POLE: variants seen among roughly 807,000 people sequenced by gnomAD.
The protein encoded by POLE is DNA polymerase epsilon, catalytic subunit, also known as DNA polymerase epsilon catalytic subunit A.
A neutral mutation model predicts 279.2 loss-of-function variants in POLE; 188 were observed. The observed-to-expected ratio is 0.67, with a 90% CI of 0.60 to 0.76. POLE has a LOEUF of 0.76. Among genes scored for constraint, POLE ranks in the 30% least tolerant of loss-of-function variants. The pLI is 0.00. For synonymous variants in POLE, 1,214 were observed against 1,172.5 expected, an observed-to-expected ratio of 1.04 and a Z score of -0.72; for missense variants, 2,703 against 3,016.7, an observed-to-expected ratio of 0.90 and a Z score of 2.44.
At chr12:132,652,841 G>C (rs996486216) in intron 29 of POLE, among the ~76,000 whole-genome samples, 3 of 152,250 alleles carry the variant, frequency 2.0e-5, no homozygotes, top group Admixed American at 6.5e-5. Context: ...TACATAGTAA[G>C]ATCAACGTGC....
intron 19 of POLE, 99 bp from the exon 20 acceptor site, chr12:132,667,747 C>T (rs2042829965): frequency 2.4e-6 from 3 of 1,260,378 alleles, no homozygotes; most frequent in Non-Finnish European, 3.4e-6. Flanking sequence ...TCTACGTCAC[C>T]ACAAAGGAGC....
At chr12:132,665,197 T>A in intron 21 of POLE, 105 bp downstream of exon 21, 4 of 1,187,094 alleles carry the variant, frequency 3.4e-6, no homozygotes, top group Admixed American at 2.0e-5. Flanking sequence ...ATTCCTTGAA[T>A]CAGATGAACG....
At chr12:132,671,583 T>G (rs191350593) in intron 16 of POLE, among the ~76,000 whole-genome samples, 1 of 145,288 alleles carries the variant, frequency 6.9e-6, no homozygotes, top group Non-Finnish European at 1.5e-5. Flanking sequence ...GCAGGAGAAT[T>G]GCTTGAACCC....
chr12:132,657,544 C>T (rs997020394), intron 27 of POLE, 115 bp from the exon 28 acceptor site: 16 of 891,538 alleles, frequency 1.8e-5, no homozygotes, highest in Non-Finnish European at 2.7e-5. Flanking sequence ...CTCTCAGAAA[C>T]TCTATGATGA....
intron 26 of POLE, chr12:132,658,229 TATAC>T (rs2042591650): frequency 1.2e-5 from 5 of 425,144 alleles, no homozygotes; most frequent in Non-Finnish European, 2.2e-5. Flanking sequence ...TGGGCATGCA[TATAC>T]ATAAACACAT....
At position 132,625,693 on chromosome 12, in the gene POLE, C is replaced by T. The variant is rs1566308462; in HGVS notation, c.6609G>A (p.Leu2203=). 4.3e-6 allele frequency: 7 copies of T among 1,613,790 alleles called. No homozygotes were observed. Among genetic ancestry groups the T allele is most frequent in the Middle Eastern group, 1.6e-4 (1 of 6,062 alleles). Residue 2203 remains leucine, a synonymous_variant, in exon 47 of 49, where the codon CTG becomes CTA. Coordinates refer to ENST00000320574, the MANE Select transcript of POLE (RefSeq NM_006231.4). ...TCAGCTTCTTCTGTAGAACTTCCAC[C>T]AGCGTCATCTCGATGGCAGAGGAGT... ...PYDSSAIEMT[L]VEVLQKKLMA...
rs1433807317 is a variant in POLE at position 132,623,896 on chromosome 12, C to T, written c.*801G>A. The T allele has an allele frequency of 1.0e-5, 2 of 191,758 alleles. No individual in the cohort carries two copies. The highest frequency in any genetic ancestry group is 2.2e-5 in the Non-Finnish European group (2 of 91,836). 11.9% of individuals were successfully genotyped at this position (191,758 alleles called of 1,614,324 possible). A position where few individuals can be genotyped will look rare whatever the true frequency, so the allele number is the denominator to read the frequency against. ...CTGGGGAGCCTGTGGGGCCCCCTCC[C>T]TCCTGTGAGGCTCTCGTCTGGGGTG... is the stretch of plus-strand genomic sequence containing the variant. On this transcript the variant is annotated 3_prime_UTR_variant, in exon 49 of 49. Coordinates refer to ENST00000320574, the MANE Select transcript of POLE (RefSeq NM_006231.4).
In POLE at chr12:132,678,401, A is replaced by C. The variant is rs1216147436; in HGVS notation, c.579-682T>G. On this transcript the variant is annotated intron_variant, in intron 6 of 48. Transcript: ENST00000320574. ...GGGCAACATAGGGAGACTCATCTCT[A>C]CAAAAGTAATAATAATAATAATAAT... is the stretch of plus-strand genomic sequence containing the variant. Among the ~76,000 whole-genome samples the C allele has an allele frequency of 3.3e-5, 5 of 151,456 alleles. No homozygotes were observed. In the East Asian group the frequency reaches 9.7e-4, roughly 29 times the overall value.
chr12:132,650,245 C>T lies in POLE; in HGVS notation c.3583-356G>A, dbSNP rs5744897. 26,389 of 268,702 alleles carry T rather than the reference C, an allele frequency of 0.098. 1,549 individuals are homozygous for T. Among genetic ancestry groups the T allele is most frequent in the South Asian group, 0.12 (2,310 of 18,562 alleles). The allele number at this position is 268,702 out of a possible 1,614,324, so 16.6% of individuals were successfully genotyped here. On this transcript the variant is annotated intron_variant, in intron 29 of 48. Transcript: ENST00000320574. The stretch of plus-strand genomic sequence containing the variant: ...CAAAAATCTCAGGATCTCATCCCCA[C>T]AAATTCTACTTCTCGAAATCTAGTA...
rs1060500803 is a variant in POLE at position 132,639,275 on chromosome 12, C to G, written c.5402G>C (p.Gly1801Ala). The G allele has an allele frequency of 6.2e-7, 1 of 1,614,010 alleles. No homozygotes were observed. The highest frequency in any genetic ancestry group is 8.5e-7 in the Non-Finnish European group (1 of 1,179,932). The stretch of plus-strand genomic sequence containing the variant: ...GTACTGGGTGATCTCCTTCACCCAG[C>G]CCACGACCATGCTCTTCAGGATCCT... ...TFRILKSMVV[G>A]WVKEITQYHN... Residue 1801 changes from glycine (G) to alanine (A), a missense_variant, in exon 40 of 49, where the codon GGC (glycine) becomes GCC (alanine). Gly to Ala is a moderately conservative substitution (Grantham distance 60). This residue lies in a region of POLE where 1,551 missense variants were observed against 1,686.1 expected (regional missense o/e 0.92). Coordinates refer to ENST00000320574, the MANE Select transcript of POLE (RefSeq NM_006231.4). The surrounding 1 kb of genome is among the most constrained non-coding windows in gnomAD (Gnocchi z 4.7).
intron 23 of POLE, among the ~76,000 whole-genome samples, chr12:132,662,745 A>G (rs1465835354): frequency 6.6e-6 from 1 of 152,140 alleles, no homozygotes; most frequent in Non-Finnish European, 1.5e-5. Flanking sequence ...AGAAACAAAG[A>G]CCAGAAGAGG....
rs752853322 is a variant in POLE at position 132,642,482 on chromosome 12, C to A, written c.4952+24G>T. ...CCGGCTCTGCCTGGGGACCACTGGC[C>A]CACAACGACAGTACTGTGCTCACCT... On this transcript the variant is annotated intron_variant, in intron 37 of 48. Transcript: ENST00000320574. 7 of 1,606,168 alleles carry A rather than the reference C, an allele frequency of 4.4e-6. No homozygotes were observed. In the Admixed American group the frequency reaches 5.0e-5, roughly 11 times the overall value.
At position 132,642,817 on chromosome 12, in the gene POLE, C is replaced by T. The variant is rs2138538380; in HGVS notation, c.4728+3G>A. ...CACACAGCAAGACCCCAACCACTCTCACCTTGTAGGCGAGCAGGAATCGCT... is the reference window on the plus strand; with the variant it reads ...CACACAGCAAGACCCCAACCACTCTTACCTTGTAGGCGAGCAGGAATCGCT... On this transcript the variant is annotated splice_donor_region_variant and intron_variant, in intron 36 of 48. Coordinates refer to ENST00000320574, the MANE Select transcript of POLE (RefSeq NM_006231.4). 1 of 1,614,006 alleles carries T rather than the reference C, an allele frequency of 6.2e-7. No individual in the cohort carries two copies. The highest frequency in any genetic ancestry group is 8.5e-7 in the Non-Finnish European group (1 of 1,179,960).
intron 2 of POLE, 92 bp from the exon 3 acceptor site, chr12:132,680,779 G>A: frequency 1.0e-6 from 1 of 976,002 alleles, no homozygotes; most frequent in Admixed American, 1.8e-5. Context: ...CAGCACTTTA[G>A]AAACAAACCC....
chr12:132,666,102 A>G (rs759099525), intron 20 of POLE, among the ~76,000 whole-genome samples: 3 of 152,372 alleles, frequency 2.0e-5, no homozygotes, highest in Middle Eastern at 6.8e-3. Context: ...CCAAAAGCAG[A>G]GACCTGAAGA....
chr12:132,677,368 G>A lies in POLE; in HGVS notation c.796C>T (p.Arg266Ter), dbSNP rs767666219. Residue 266 changes from arginine (R) to a stop codon, truncating the protein, a stop_gained, in exon 8 of 49, where the codon CGA becomes TGA. Transcript: ENST00000320574. LOFTEE classifies it high-confidence loss of function. ...EITRRDDLVE[R>*]PDPVVLAFDI... ...GTAACACAAGCAAAACTTACAGGTCGTTCAACAAGGTCATCTCGGCGGGTG... is the reference window on the plus strand; with the variant it reads ...GTAACACAAGCAAAACTTACAGGTCATTCAACAAGGTCATCTCGGCGGGTG... The A allele has an allele frequency of 4.3e-6, 7 of 1,613,204 alleles. No homozygotes were observed. The highest frequency in any genetic ancestry group is 5.1e-6 in the Non-Finnish European group (6 of 1,179,176).
intron 7 of POLE, 61 bp from the exon 8 acceptor site, chr12:132,677,504 G>A (rs2136019234): frequency 6.2e-7 from 1 of 1,608,122 alleles, no homozygotes; most frequent in Non-Finnish European, 8.5e-7. Context: ...TTCTTCTGTG[G>A]ATTCACCCAT....
rs2042289619 is a variant in POLE, at chr12:132,646,603, G to A, written c.4149+2326C>T. ...TCCCAGCACTTTGGGAGGCCGAGGT[G>A]GATGGATTACCTGAGGTCAGGAGTT... On this transcript the variant is annotated intron_variant, in intron 32 of 48. Transcript: ENST00000320574. 3.3e-5 allele frequency among the ~76,000 whole-genome samples: 5 copies of A among 151,500 alleles called. No individual in the cohort carries two copies. The South Asian group carries it at 1.0e-3, about 32-fold the overall frequency.
rs2138688434 is a variant in POLE, at chr12:132,660,970, T to C, written c.3059A>G (p.Lys1020Arg). ...TGAGGGTGGAGGGTAGGCCTTTACC[T>C]TGCTGTACAGCACGTCCAGCCAGTA... ...ADYWLDVLYS[K>R]AANMPDSELF... Residue 1020 changes from lysine to arginine, a missense_variant and splice_region_variant, in exon 25 of 49, where the codon AAG (lysine) becomes AGG (arginine). By Grantham distance (26) the Lys-to-Arg change is conservative (BLOSUM62 2). This residue lies in a region of POLE where 1,551 missense variants were observed against 1,686.1 expected (regional missense o/e 0.92). Transcript: ENST00000320574. 1.9e-6 allele frequency: 3 copies of C among 1,606,540 alleles called. No individual in the cohort carries two copies. The highest frequency in any genetic ancestry group is 2.6e-6 in the Non-Finnish European group (3 of 1,176,098).
Sources: gnomAD v4.1 joint callset for allele counts (sites outside exome capture counted in the v4.1 genomes callset) on GRCh38, gnomAD v4.1.1 for gene constraint, gnomAD v4.1.1 regional missense constraint, Gnocchi (gnomAD v3.1) non-coding constraint, MANE v1.5 for transcripts, NCBI Gene and HGNC (gene_info 2026-07-23, HGNC 2026-07-21) for gene names.